The following TBCA variants were observed in gnomAD, a reference collection of about 807,000 sequenced individuals.
TBCA encodes tubulin-specific chaperone A.
Under a neutral mutation model 15.8 loss-of-function variants are expected in TBCA, and 6 were observed. The observed-to-expected ratio is 0.38, with a 90% CI of 0.21 to 0.75. The LOEUF (loss-of-function observed/expected upper bound fraction) is 0.75. Among genes scored for constraint, TBCA ranks in the 30% least tolerant of loss-of-function variants. The pLI is 0.46. For missense variants in TBCA, 90 were observed against 131.2 expected (o/e 0.69, Z 1.53); for synonymous variants, 32 against 42.3 (o/e 0.76, Z 0.94).
At chr5:77,745,083 G>A (rs952856910) in intron 1 of TBCA, among the ~76,000 whole-genome samples, 3 of 152,186 alleles carry the variant, frequency 2.0e-5, no homozygotes, top group African/African-American at 7.2e-5. Context: ...CTTAGCTAAT[G>A]TAGATAACGG....
chr5:77,707,755 T>C (rs1014242402), intron 2 of TBCA, among the ~76,000 whole-genome samples: 1 of 151,918 alleles, frequency 6.6e-6, no homozygotes, highest in Non-Finnish European at 1.5e-5. Flanking sequence ...AAATATATAA[T>C]TAATATAAGA....
intron 3 of TBCA, chr5:77,692,306 A>G (rs956874094): frequency 2.0e-6 from 2 of 985,296 alleles, no homozygotes; most frequent in African/African-American, 3.5e-5. Context: ...CTCAAACTAT[A>G]CGTAAGAATT....
chr5:77,727,714 A>T (rs1202679138), intron 1 of TBCA, among the ~76,000 whole-genome samples: 1 of 152,218 alleles, frequency 6.6e-6, no homozygotes, highest in Non-Finnish European at 1.5e-5. Flanking sequence ...GAGTCAATAT[A>T]GCCCAAATAC....
intron 1 of TBCA, among the ~76,000 whole-genome samples, chr5:77,756,974 T>A (rs1747490753): frequency 1.3e-5 from 2 of 152,066 alleles, no homozygotes; most frequent in Admixed American, 1.3e-4. Flanking sequence ...TAAGGAGCAA[T>A]AGAGTGTAAG....
chr5:77,706,810 T>TAAAA (rs370852221), intron 2 of TBCA, among the ~76,000 whole-genome samples: 7 of 108,414 alleles, frequency 6.5e-5, no homozygotes, highest in Non-Finnish European at 9.0e-5. Context: ...GACTCCATCT[T>TAAAA]AAAAAAAAAA....
intron 1 of TBCA, among the ~76,000 whole-genome samples, chr5:77,741,055 A>T (rs921180187): frequency 3.9e-5 from 6 of 152,242 alleles, no homozygotes; most frequent in African/African-American, 1.4e-4. Flanking sequence ...AAAGTGGGAA[A>T]GGACAACTGT....
At chr5:77,761,850 T>C (rs1304363486) in intron 1 of TBCA, among the ~76,000 whole-genome samples, 1 of 152,228 alleles carries the variant, frequency 6.6e-6, no homozygotes, top group African/African-American at 2.4e-5. Flanking sequence ...CAAGGCCAGA[T>C]GCTCTAGTGC....
chr5:77,716,703 T>C (rs1231983975), intron 1 of TBCA, among the ~76,000 whole-genome samples: 2 of 152,200 alleles, frequency 1.3e-5, no homozygotes, highest in Non-Finnish European at 2.9e-5. Flanking sequence ...TATCCTTAGC[T>C]ACTAATTTAA....
chr5:77,710,743 ACAGT>A (rs149236285), intron 1 of TBCA, among the ~76,000 whole-genome samples: 2,512 of 152,274 alleles, frequency 0.016, 67 homozygotes, highest in African/African-American at 0.057. Context: ...TGTTTCCTTA[ACAGT>A]CAGGCATTAC....
chr5:77,728,437 T>C (rs1485375570), intron 1 of TBCA, among the ~76,000 whole-genome samples: 1 of 152,166 alleles, frequency 6.6e-6, no homozygotes, highest in African/African-American at 2.4e-5. Context: ...GAGAAACCAG[T>C]ATTATAAACA....
chr5:77,720,433 G>GC (rs1283202720), intron 1 of TBCA, among the ~76,000 whole-genome samples: 1 of 152,198 alleles, frequency 6.6e-6, no homozygotes, highest in East Asian at 1.9e-4. Flanking sequence ...AGCCAAGTCG[G>GC]CCAGGCGCGG....
At chr5:77,708,822 G>A (rs998336122) in intron 1 of TBCA, among the ~76,000 whole-genome samples, 1 of 151,970 alleles carries the variant, frequency 6.6e-6, no homozygotes, top group African/African-American at 2.4e-5. Flanking sequence ...ACCAGCCTCG[G>A]CCTCCCAAAG....
chr5:77,763,466 G>A (rs1293060051), intron 1 of TBCA, among the ~76,000 whole-genome samples: 5 of 152,134 alleles, frequency 3.3e-5, no homozygotes, highest in Non-Finnish European at 1.5e-5. Flanking sequence ...GCGACTAAAT[G>A]TTTGTGTGCC....
At chr5:77,769,246 C>A (rs919345112) in intron 1 of TBCA, among the ~76,000 whole-genome samples, 1 of 152,178 alleles carries the variant, frequency 6.6e-6, no homozygotes, top group Non-Finnish European at 1.5e-5. Context: ...AAGGAACTAG[C>A]TAAATTTCAA....
intron 1 of TBCA, among the ~76,000 whole-genome samples, chr5:77,735,207 A>G (rs1746871494): frequency 6.6e-6 from 1 of 152,220 alleles, no homozygotes; most frequent in Non-Finnish European, 1.5e-5. Flanking sequence ...GAATAAATAC[A>G]AAGGATCACA....
In TBCA at chr5:77,746,697, C is replaced by A. The variant is rs1383655828; in HGVS notation, c.53+29508G>T. On this transcript the variant is annotated intron_variant, in intron 1 of 3. Coordinates refer to ENST00000380377, the MANE Select transcript of TBCA (RefSeq NM_004607.3). The stretch of plus-strand genomic sequence containing the variant: ...ATAGAAAACCACTTTGTGCACGTAT[C>A]ATTCATTTCTTGTAGCATTACAAAT... Among the ~76,000 whole-genome samples, 3 of 152,084 alleles carry A rather than the reference C, an allele frequency of 2.0e-5. No homozygotes were observed. The East Asian group carries it at 5.8e-4, about 29-fold the overall frequency.
chr5:77,694,698 C>A (rs959621312), intron 2 of TBCA, among the ~76,000 whole-genome samples: 3 of 152,128 alleles, frequency 2.0e-5, no homozygotes, highest in South Asian at 2.1e-4. Context: ...AGGAGATTAA[C>A]GGTAATAATA....
intron 2 of TBCA, among the ~76,000 whole-genome samples, chr5:77,703,744 A>AT (rs1746077584): frequency 6.6e-6 from 1 of 151,976 alleles, no homozygotes; most frequent in Non-Finnish European, 1.5e-5. Context: ...CACCCAGCTA[A>AT]TTTTTTGTAT....
intron 1 of TBCA, among the ~76,000 whole-genome samples, chr5:77,737,918 C>T (rs1489756342): frequency 6.6e-6 from 1 of 152,204 alleles, no homozygotes; most frequent in East Asian, 1.9e-4. Context: ...ATTCATCCCA[C>T]TCTGGTGTTT....
Sources: allele counts gnomAD v4.1 joint callset (sites outside exome capture counted in the v4.1 genomes callset), GRCh38; gene constraint gnomAD v4.1.1; transcripts MANE v1.5; gene names NCBI Gene and HGNC (gene_info 2026-07-23, HGNC 2026-07-21).